SNX30: variants seen among roughly 807,000 people sequenced by gnomAD.
The protein encoded by SNX30 is sorting nexin family member 30.
Under a neutral mutation model 46.4 loss-of-function variants are expected in SNX30, and 24 were observed. The observed-to-expected ratio is 0.52, with a 90% CI of 0.37 to 0.73. The LOEUF (loss-of-function observed/expected upper bound fraction) is 0.73. SNX30 is among the 30% of genes least tolerant of loss of function. SNX30 has a pLI of 0.00. For missense variants in SNX30, 533 were observed against 555.7 expected (o/e 0.96, Z 0.41); for synonymous variants, 189 against 211.5 (o/e 0.89, Z 0.92).
intron 1 of SNX30, among the ~76,000 whole-genome samples, chr9:112,778,897 G>T (rs1243464317): frequency 2.6e-5 from 4 of 152,070 alleles, no homozygotes; most frequent in African/African-American, 9.7e-5. Context: ...AACTTGGGGG[G>T]GGGGGATTTG....
chr9:112,811,345 C>T, intron 2 of SNX30, among the ~76,000 whole-genome samples: 1 of 152,188 alleles, frequency 6.6e-6, no homozygotes, highest in Non-Finnish European at 1.5e-5. Context: ...ATAAAGACCA[C>T]GTCTCTCTGG....
chr9:112,858,590 TC>T (rs750836469), intron 7 of SNX30, among the ~76,000 whole-genome samples: 8 of 152,174 alleles, frequency 5.3e-5, no homozygotes, highest in Non-Finnish European at 1.0e-4. Context: ...AAAGACACTA[TC>T]CAAAAAATCA....
intron 1 of SNX30, among the ~76,000 whole-genome samples, chr9:112,769,747 A>T (rs11792606): frequency 6.6e-6 from 1 of 152,020 alleles, no homozygotes; most frequent in African/African-American, 2.4e-5. Flanking sequence ...ACACATCTAC[A>T]CACTGATAAC....
intron 1 of SNX30, among the ~76,000 whole-genome samples, chr9:112,753,368 G>C (rs759569431): frequency 1.3e-5 from 2 of 151,958 alleles, no homozygotes; most frequent in Non-Finnish European, 2.9e-5. Context: ...AGTCTTGAAG[G>C]CATTATTAAT....
chr9:112,813,662 C>A (rs576397903), intron 2 of SNX30, among the ~76,000 whole-genome samples: 1 of 151,806 alleles, frequency 6.6e-6, no homozygotes, highest in Non-Finnish European at 1.5e-5. Flanking sequence ...TTAGTAGAGA[C>A]AGGGTTTCAC....
intron 6 of SNX30, among the ~76,000 whole-genome samples, chr9:112,850,135 G>A (rs948412250): frequency 3.3e-5 from 5 of 152,178 alleles, no homozygotes; most frequent in African/African-American, 4.8e-5. Flanking sequence ...TTTGCACCCC[G>A]GGTGCCTAGC....
At chr9:112,858,492 G>T (rs1297000816) in intron 7 of SNX30, among the ~76,000 whole-genome samples, 2 of 152,118 alleles carry the variant, frequency 1.3e-5, no homozygotes, top group Non-Finnish European at 2.9e-5. Context: ...TCCAGCCTGG[G>T]AAACAGAGCA....
chr9:112,836,337 T>C lies in SNX30; in HGVS notation c.742T>C (p.Tyr248His), dbSNP rs1564286407. ...GCTTGAGTTTGCTGCCATAGGTGAC[T>C]ACTTAGATACATTTGCACTCAAACT... is the stretch of plus-strand genomic sequence containing the variant. ...RPLEFAAIGDYLDTFALKLGT... is the reference protein window; with the variant it reads ...RPLEFAAIGDHLDTFALKLGT... The change falls in exon 5 of 9, where the codon TAC becomes CAC. Residue 248 changes from tyrosine to histidine, a missense_variant. By Grantham distance (83) the Tyr-to-His change is moderately conservative. Coordinates refer to ENST00000374232, the MANE Select transcript of SNX30 (RefSeq NM_001012994.2). The C allele has an allele frequency of 6.2e-7, 1 of 1,612,526 alleles. No homozygotes were observed. Among genetic ancestry groups the C allele is most frequent in the South Asian group, 1.1e-5 (1 of 91,040 alleles).
downstream of SNX30, among the ~76,000 whole-genome samples, chr9:112,884,338 A>G (rs531714428): frequency 1.2e-3 from 176 of 152,352 alleles, no homozygotes; most frequent in Middle Eastern, 3.4e-3. Flanking sequence ...ATTGGAATGT[A>G]GCTTTTCTTC....
In SNX30 at chr9:112,864,387, G is replaced by T. The variant is rs751414141; in HGVS notation, c.1242G>T (p.Gln414His). 6.8e-6 allele frequency: 11 copies of T among 1,614,088 alleles called. No homozygotes were observed. Among genetic ancestry groups the T allele is most frequent in the Non-Finnish European group, 8.5e-6 (10 of 1,180,038 alleles). ...LLMGMADKNI[Q>H]YYEKCLMAWE... ...TGGGGATGGCTGACAAGAACATCCA[G>T]TATTATGAGAAGGTAATGAGTGTGC... is the stretch of plus-strand genomic sequence containing the variant. Residue 414 changes from glutamine to histidine, a missense_variant, in exon 8 of 9, where the codon CAG becomes CAT. Physicochemically the swap from Gln to His is conservative, Grantham distance 24 (BLOSUM62 0). This residue lies in a region of SNX30 where 261 missense variants were observed against 270.9 expected (regional missense o/e 0.96). Transcript: ENST00000374232.
intron 6 of SNX30, among the ~76,000 whole-genome samples, chr9:112,847,596 T>G (rs1252977713): frequency 6.6e-6 from 1 of 152,200 alleles, no homozygotes; most frequent in Non-Finnish European, 1.5e-5. Context: ...GTATGTTTCT[T>G]AAATATTAAA....
chr9:112,819,741 G>C (rs1201113221), intron 3 of SNX30, among the ~76,000 whole-genome samples: 3 of 152,186 alleles, frequency 2.0e-5, no homozygotes, highest in African/African-American at 7.2e-5. Context: ...TCCCTCAGTT[G>C]ACATTTGTCT....
Position 112,873,197 on chromosome 9 carries a change from C to A in SNX30, c.*4354C>A, listed in dbSNP as rs1841473840. The A allele has an allele frequency of 6.6e-6, 1 of 152,016 alleles. No homozygotes were observed. Among genetic ancestry groups the A allele is most frequent in the African/African-American group, 2.4e-5 (1 of 41,380 alleles). The allele number at this position is 152,016 out of a possible 1,614,324, so 9.4% of individuals were successfully genotyped here. The stretch of plus-strand genomic sequence containing the variant: ...TCTGTGTGGCAGAAAAATATGTTTT[C>A]CAGGTAGTTTTTACTACTACAGAGA... On this transcript the variant is annotated 3_prime_UTR_variant, in exon 9 of 9. Coordinates refer to ENST00000374232, the MANE Select transcript of SNX30 (RefSeq NM_001012994.2).
chr9:112,768,588 G>A (rs1839584336), intron 1 of SNX30, among the ~76,000 whole-genome samples: 1 of 145,844 alleles, frequency 6.9e-6, no homozygotes, highest in Non-Finnish European at 1.5e-5. Flanking sequence ...GATCTAATAG[G>A]ATGGCCCAGG....
rs949095472 is a variant in SNX30 at position 112,874,456 on chromosome 9, C to T, written c.*5613C>T. 8 of 152,202 alleles carry T rather than the reference C, an allele frequency of 5.3e-5. No homozygotes were observed. The highest frequency in any genetic ancestry group is 1.9e-4 in the African/African-American group (8 of 41,444). The allele number at this position is 152,202 out of a possible 1,614,324, so 9.4% of individuals were successfully genotyped here. A position where few individuals can be genotyped will look rare whatever the true frequency, so the allele number is the denominator to read the frequency against. On this transcript the variant is annotated 3_prime_UTR_variant, in exon 9 of 9. Transcript: ENST00000374232. ...CTGTTAAAGAAGAGATTAAAAACTT[C>T]GGCTTTGGACATGTCCACATTATGG...
At chr9:112,813,462 G>A (rs1440918382) in intron 2 of SNX30, among the ~76,000 whole-genome samples, 1 of 129,360 alleles carries the variant, frequency 7.7e-6, no homozygotes, top group South Asian at 2.5e-4. Flanking sequence ...CTGGGGGACT[G>A]TATTTAATTT....
intron 6 of SNX30, among the ~76,000 whole-genome samples, chr9:112,846,623 C>T (rs536455806): frequency 1.3e-5 from 2 of 152,218 alleles, no homozygotes; most frequent in African/African-American, 4.8e-5. Context: ...TTCTTTATTA[C>T]TGAACACCCA....
intron 1 of SNX30, among the ~76,000 whole-genome samples, chr9:112,783,737 C>T (rs1341167250): frequency 6.6e-6 from 1 of 152,122 alleles, no homozygotes; most frequent in Admixed American, 6.5e-5. Flanking sequence ...CAGCTGGCCT[C>T]CTTAAATGGA....
At chr9:112,797,701 T>A (rs971299432) in intron 1 of SNX30, among the ~76,000 whole-genome samples, 2 of 73,746 alleles carry the variant, frequency 2.7e-5, no homozygotes, top group African/African-American at 9.3e-5. Flanking sequence ...CTTCTTTTCT[T>A]TTTCTTTTTC....
Sources: allele counts gnomAD v4.1 joint callset (sites outside exome capture counted in the v4.1 genomes callset), GRCh38; gene constraint gnomAD v4.1.1; regional missense constraint gnomAD v4.1.1; transcripts MANE v1.5; gene names NCBI Gene and HGNC (gene_info 2026-07-23, HGNC 2026-07-21).